SH3PXD2B: variants seen among roughly 807,000 people sequenced by gnomAD.
SH3PXD2B encodes the protein SH3 and PX domains 2B.
A neutral mutation model predicts 73.1 loss-of-function variants in SH3PXD2B; 37 were observed. The observed-to-expected ratio is 0.51, with a 90% confidence interval of 0.39 to 0.67. The LOEUF (loss-of-function observed/expected upper bound fraction) is 0.67. Ranked by LOEUF, SH3PXD2B falls within the 30% of genes least tolerant of loss-of-function variation. The pLI, the probability that SH3PXD2B is intolerant of heterozygous loss-of-function variation, is 0.00. For synonymous variants in SH3PXD2B, 457 were observed against 480.5 expected, an observed-to-expected ratio of 0.95 and a Z score of 0.64; for missense variants, 1,053 against 1,197.8, an observed-to-expected ratio of 0.88 and a Z score of 1.78.
At chr5:172,366,932 A>ATCTTTTTTTTTTT (rs1757540616) in intron 6 of SH3PXD2B, among the ~76,000 whole-genome samples, 3 of 75,094 alleles carry the variant, frequency 4.0e-5, no homozygotes, top group African/African-American at 5.1e-5. Flanking sequence ...GTGCCCGGCC[A>ATCTTTTTTTTTTT]TTTTTTTTTT....
At chr5:172,430,327 TG>T (rs1473331898) in intron 1 of SH3PXD2B, among the ~76,000 whole-genome samples, 1 of 152,230 alleles carries the variant, frequency 6.6e-6, no homozygotes, top group African/African-American at 2.4e-5. Flanking sequence ...CCTCTCCACC[TG>T]TCCTTTCTGT....
intron 1 of SH3PXD2B, among the ~76,000 whole-genome samples, chr5:172,423,550 G>GGGGGT (rs1759024864): frequency 4.1e-5 from 6 of 145,930 alleles, no homozygotes; most frequent in African/African-American, 1.5e-4. Context: ...GGGGTTGGGG[G>GGGGGT]GGGGGGCGCA....
chr5:172,429,178 G>A (rs923326597), intron 1 of SH3PXD2B, among the ~76,000 whole-genome samples: 6 of 152,218 alleles, frequency 3.9e-5, no homozygotes, highest in African/African-American at 1.4e-4. Context: ...AGGAGGCCAA[G>A]CCCTCACAGA....
rs1756742300 is a variant in SH3PXD2B, at chr5:172,337,929, TGAA to T, written c.*437_*439del. The T allele has an allele frequency of 9.6e-7, 1 of 1,037,860 alleles. No homozygotes were observed. Among genetic ancestry groups the T allele is most frequent in the Non-Finnish European group, 1.2e-6 (1 of 861,892 alleles). 64.3% of individuals were successfully genotyped at this position (1,037,860 alleles called of 1,614,324 possible). On this transcript the variant is annotated 3_prime_UTR_variant, in exon 13 of 13. Coordinates refer to ENST00000311601, the MANE Select transcript of SH3PXD2B (RefSeq NM_001017995.3). ...TAAAGCCACTGGGCTTTTAGAAACATGAAGAAGTTGGAGCAAAAGTCATCATGG... is the reference window on the plus strand; with the variant it reads ...TAAAGCCACTGGGCTTTTAGAAACATGAAGTTGGAGCAAAAGTCATCATGG...
rs1756692680 is a variant in SH3PXD2B at position 172,336,441 on chromosome 5, T to C, written c.*1928A>G. On this transcript the variant is annotated 3_prime_UTR_variant, in exon 13 of 13. Coordinates refer to ENST00000311601, the MANE Select transcript of SH3PXD2B (RefSeq NM_001017995.3). ...GCCCTGCCCAAGCCTCTCTGGGAAA[T>C]GGGATTTGCAGGCCGACTGGACGAA... 7 of 985,754 alleles carry C rather than the reference T, an allele frequency of 7.1e-6. No homozygotes were observed. Among genetic ancestry groups the C allele is most frequent in the Non-Finnish European group, 8.4e-6 (7 of 829,974 alleles). The allele number at this position is 985,754 out of a possible 1,614,324, so 61.1% of individuals were successfully genotyped here.
At chr5:172,410,185 G>C (rs954877301) in intron 2 of SH3PXD2B, among the ~76,000 whole-genome samples, 1 of 152,172 alleles carries the variant, frequency 6.6e-6, no homozygotes, top group African/African-American at 2.4e-5. Flanking sequence ...GAATCATATG[G>C]AAGTTCTCTT....
At position 172,422,471 on chromosome 5, in the gene SH3PXD2B, G is replaced by T; in HGVS notation, c.101C>A (p.Ser34Tyr). Residue 34 changes from serine (S) to tyrosine (Y), a missense_variant, in exon 2 of 13, where the codon TCC becomes TAC. By Grantham distance (144) the Ser-to-Tyr change is moderately radical. Transcript: ENST00000311601. Reference protein sequence around the residue: ...HYVYIIRVTWSSGSTEAIYRR... With the variant: ...HYVYIIRVTWYSGSTEAIYRR... ...GTAAATGGCCTCGGTGGAGCCGCTG[G>T]ACCACGTGACCCGGATGATGTAGAC... is the stretch of plus-strand genomic sequence containing the variant. 1 of 1,612,104 alleles carries T rather than the reference G, an allele frequency of 6.2e-7. No homozygotes were observed. The highest frequency in any genetic ancestry group is 8.5e-7 in the Non-Finnish European group (1 of 1,179,612).
chr5:172,399,704 C>T (rs28447296), intron 3 of SH3PXD2B, among the ~76,000 whole-genome samples: 3,801 of 152,312 alleles, frequency 0.025, 170 homozygotes, highest in African/African-American at 0.086. Context: ...ATTAGCCTGA[C>T]AATAACATCC....
intron 5 of SH3PXD2B, among the ~76,000 whole-genome samples, chr5:172,374,364 G>A (rs1430305078): frequency 6.6e-6 from 1 of 152,278 alleles, no homozygotes; most frequent in African/African-American, 2.4e-5. Context: ...CCTTACCGTC[G>A]TCACCCGTGT....
intron 3 of SH3PXD2B, among the ~76,000 whole-genome samples, chr5:172,403,191 C>T (rs1159255112): frequency 1.2e-4 from 19 of 152,230 alleles, no homozygotes. Flanking sequence ...TTTTGTTTTC[C>T]ACTGTGGAGG....
In SH3PXD2B at chr5:172,438,478, G is replaced by T. The variant is rs570637760; in HGVS notation, c.75+15800C>A. 5.8e-4 allele frequency among the ~76,000 whole-genome samples: 88 copies of T among 152,240 alleles called. 1 individual carries two copies. Among genetic ancestry groups the T allele is most frequent in the Non-Finnish European group, 1.0e-3 (70 of 68,018 alleles). On this transcript the variant is annotated intron_variant, in intron 1 of 12. Coordinates refer to ENST00000311601, the MANE Select transcript of SH3PXD2B (RefSeq NM_001017995.3). ...TAAAAGAGACAAAAAGCCGAAACAG[G>T]GCCACACAGTCAAAAACCAAGGTGA...
chr5:172,325,421 C>A, intron 12 of SH3PXD2B: 1 of 1,413,784 alleles, frequency 7.1e-7, no homozygotes, highest in Non-Finnish European at 9.6e-7. Flanking sequence ...ATCTTCAGTC[C>A]TTTCCAAACG....
intron 2 of SH3PXD2B, among the ~76,000 whole-genome samples, chr5:172,409,604 A>G (rs555035552): frequency 6.2e-4 from 94 of 152,344 alleles, no homozygotes; most frequent in African/African-American, 2.1e-3. Flanking sequence ...TTCACTTAAC[A>G]TAATGTCCTC....
chr5:172,409,872 C>T (rs188454173), intron 2 of SH3PXD2B, among the ~76,000 whole-genome samples: 1 of 152,308 alleles, frequency 6.6e-6, no homozygotes, highest in East Asian at 1.9e-4. Context: ...TGGGTCACCA[C>T]ACCTGGCTAA....
intron 1 of SH3PXD2B, among the ~76,000 whole-genome samples, chr5:172,439,692 G>GCACACACACACACACACACACACACACA (rs367799974): frequency 2.2e-5 from 3 of 138,542 alleles, no homozygotes; most frequent in Non-Finnish European, 4.7e-5. Flanking sequence ...GCACGCGCGC[G>GCACACACACACACACACACACACACACA]CACACACACA....
At chr5:172,368,640 T>TTA (rs536081033) in intron 6 of SH3PXD2B, among the ~76,000 whole-genome samples, 233 of 15,914 alleles carry the variant, frequency 0.015, 62 homozygotes, top group African/African-American at 0.087. Flanking sequence ...AATATATATG[T>TTA]TATATATATA....
At chr5:172,368,736 A>T (rs1235224815) in intron 6 of SH3PXD2B, among the ~76,000 whole-genome samples, 14 of 99,662 alleles carry the variant, frequency 1.4e-4, no homozygotes, top group South Asian at 5.9e-4. Flanking sequence ...TATATATTTA[A>T]TATATGTAAT....
Position 172,443,044 on chromosome 5 carries a change from A to T in SH3PXD2B, c.75+11234T>A, listed in dbSNP as rs186509137. Among the ~76,000 whole-genome samples the T allele has an allele frequency of 2.9e-3, 436 of 152,342 alleles. 1 individual carries two copies. Among genetic ancestry groups the T allele is most frequent in the African/African-American group, 1.0e-2 (414 of 41,568 alleles). On this transcript the variant is annotated intron_variant, in intron 1 of 12. Coordinates refer to ENST00000311601, the MANE Select transcript of SH3PXD2B (RefSeq NM_001017995.3). ...GATTTAAAATGAGTAAAACACATAGATCCCAAATGAAACTAATGATACTGA... is the reference window on the plus strand; with the variant it reads ...GATTTAAAATGAGTAAAACACATAGTTCCCAAATGAAACTAATGATACTGA...
rs1756481458 is a variant in SH3PXD2B at position 172,328,151 on chromosome 5, C to T, written c.1189-2771G>A. Among the ~76,000 whole-genome samples the T allele has an allele frequency of 4.8e-5, 7 of 146,388 alleles. 1 individual carries two copies. In the South Asian group the frequency reaches 1.5e-3, roughly 32 times the overall value. On this transcript the variant is annotated intron_variant, in intron 12 of 12. Coordinates refer to the SH3PXD2B transcript ENST00000519643. ...TTTTTTTTTTTGAGATGGAGTCTCA[C>T]TCTCTCACTCTGTCACTCAGGCTGG...
Sources: gnomAD v4.1 joint callset for allele counts (sites outside exome capture counted in the v4.1 genomes callset) on GRCh38, gnomAD v4.1.1 for gene constraint, MANE v1.5 for transcripts, NCBI Gene and HGNC (gene_info 2026-07-23, HGNC 2026-07-21) for gene names.